The following MGAM2 variants were observed in gnomAD, a reference collection of about 807,000 sequenced individuals.
MGAM2 encodes probable maltase-glucoamylase 2.
A neutral mutation model predicts 96.1 loss-of-function variants in MGAM2; 98 were observed. The ratio of observed to expected loss-of-function variants is 1.02; its 90% CI spans 0.87 to 1.21. The LOEUF is 1.21. MGAM2 is among the 50% of genes most tolerant of loss of function. The probability of loss-of-function intolerance (pLI) is 0.00; values close to 1 mark genes in which losing one functional copy is unlikely to be tolerated. For synonymous variants in MGAM2, 749 were observed against 414.8 expected, an observed-to-expected ratio of 1.81 and a Z score of -9.79; for missense variants, 2,055 against 1,182.4, an observed-to-expected ratio of 1.74 and a Z score of -10.82.
At chr7:142,196,417 C>A in intron 38 of MGAM2, 130 bp downstream of exon 38, 1 of 653,288 alleles carries the variant, frequency 1.5e-6, no homozygotes, top group Non-Finnish European at 2.7e-6. Context: ...TGAGTTCTCT[C>A]TGGGCGTGGA....
At chr7:142,170,251 C>A (rs574118288) in intron 27 of MGAM2, 22 bp downstream of exon 27, 23 of 696,174 alleles carry the variant, frequency 3.3e-5, no homozygotes, top group African/African-American at 3.0e-4. Flanking sequence ...TTATTTGATT[C>A]TAATTAGAGT....
chr7:142,172,698 A>C lies in MGAM2; in HGVS notation c.3495A>C (p.Gly1165=). The C allele has an allele frequency of 1.4e-6, 1 of 705,194 alleles. No individual in the cohort carries two copies. Among genetic ancestry groups the C allele is most frequent in the Non-Finnish European group, 2.6e-6 (1 of 385,922 alleles). The allele number at this position is 705,194 out of a possible 1,614,324, so 43.7% of individuals were successfully genotyped here. A position where few individuals can be genotyped will look rare whatever the true frequency, so the allele number is the denominator to read the frequency against. The part of the protein sequence containing the change: ...PTPALTYRTT[G]GILDFYIVLG... ...CTGCTCTGACATACCGCACCACAGG[A>C]GGGATTTTGGACTTCTACATTGTTT... The change falls in exon 30 of 48, where the codon GGA becomes GGC. Residue 1165 remains glycine (G), a synonymous_variant. Transcript: ENST00000477922.
chr7:142,195,404 G>A (rs1415123227), intron 37 of MGAM2, among the ~76,000 whole-genome samples: 2 of 121,688 alleles, frequency 1.6e-5, no homozygotes, highest in South Asian at 2.9e-4. Flanking sequence ...CACCTAGGCT[G>A]AAGGGCAGTG....
In MGAM2 at chr7:142,144,866, G is replaced by A. The variant is rs1397184918; in HGVS notation, c.1437G>A (p.Met479Ile). 1 of 701,220 alleles carries A rather than the reference G, an allele frequency of 1.4e-6. No homozygotes were observed. The highest frequency in any genetic ancestry group is 2.6e-6 in the Non-Finnish European group (1 of 384,260). The allele number at this position is 701,220 out of a possible 1,614,324, so 43.4% of individuals were successfully genotyped here. A position where few individuals can be genotyped will look rare whatever the true frequency, so the allele number is the denominator to read the frequency against. Residue 479 changes from methionine (M) to isoleucine (I), a missense_variant, in exon 14 of 48, where the codon ATG becomes ATA. Met to Ile is a conservative substitution (Grantham distance 10). Coordinates refer to ENST00000477922, the MANE Select transcript of MGAM2 (RefSeq NM_001293626.2). ...HLEFDGVWIE[M>I]NEVSSLLQAS... ...TGTGTTTTGTGTCTTTGAAGGAAAT[G>A]AATGAAGTATCTAGCTTACTCCAAG...
rs533256015 is a variant in MGAM2, at chr7:142,160,188, A to G, written c.2275A>G (p.Lys759Glu). The G allele has an allele frequency of 3.3e-5, 23 of 702,798 alleles. No homozygotes were observed. The highest frequency in any genetic ancestry group is 2.7e-4 in the South Asian group (18 of 67,556). 43.5% of individuals were successfully genotyped at this position (702,798 alleles called of 1,614,324 possible). A position where few individuals can be genotyped will look rare whatever the true frequency, so the allele number is the denominator to read the frequency against. The change falls in exon 21 of 48, where the codon AAG becomes GAG. Residue 759 changes from lysine (K) to glutamate (E), a missense_variant. By Grantham distance (56) the Lys-to-Glu change is moderately conservative. Coordinates refer to ENST00000477922, the MANE Select transcript of MGAM2 (RefSeq NM_001293626.2). ...GGTGAATATGCTTCTCCCAGGTGAC[A>G]AGATAGGACTTCATCTGCGAGGGGG... Reference protein sequence around the residue: ...QLVNMLLPGDKIGLHLRGGYI... With the variant: ...QLVNMLLPGDEIGLHLRGGYI...
chr7:142,153,234 T>C (rs566491754), intron 15 of MGAM2, among the ~76,000 whole-genome samples: 98 of 152,282 alleles, frequency 6.4e-4, no homozygotes, highest in Non-Finnish European at 1.1e-3. Context: ...TCTCCTGACC[T>C]CGTGATCCAC....
chr7:142,124,443 A>G (rs1193989866), intron 3 of MGAM2, among the ~76,000 whole-genome samples: 3 of 152,138 alleles, frequency 2.0e-5, no homozygotes, highest in Non-Finnish European at 4.4e-5. Context: ...TTTTGCCAAT[A>G]CCATACAGCC....
intron 37 of MGAM2, among the ~76,000 whole-genome samples, chr7:142,195,522 A>T (rs1328566167): frequency 7.2e-6 from 1 of 138,986 alleles, no homozygotes; most frequent in African/African-American, 2.7e-5. Flanking sequence ...CACCCGGCTA[A>T]TTTTTTTTTT....
intron 45 of MGAM2, among the ~76,000 whole-genome samples, chr7:142,202,364 T>G (rs1173851991): frequency 6.6e-6 from 1 of 152,200 alleles, no homozygotes; most frequent in Non-Finnish European, 1.5e-5. Context: ...GCAGGTTTGT[T>G]GCATGGATGT....
intron 46 of MGAM2, among the ~76,000 whole-genome samples, chr7:142,210,113 G>A (rs568063160): frequency 2.2e-4 from 34 of 152,208 alleles, no homozygotes; most frequent in African/African-American, 6.5e-4. Context: ...AGGGGTCAGG[G>A]TACTCCCCCC....
chr7:142,114,080 G>A (rs977222735), intron 1 of MGAM2, among the ~76,000 whole-genome samples: 7 of 150,536 alleles, frequency 4.7e-5, no homozygotes, highest in African/African-American at 1.7e-4. Context: ...GCGGTGAGCC[G>A]AGATCGCGCC....
Position 142,196,584 on chromosome 7 carries a change from CTT to C in MGAM2, c.4502_4503del (p.Phe1501TrpfsTer17), listed in dbSNP as rs1563289033. ...SIIGMMEFSL[F>X]GIPYTGADIC... Reference sequence around the variant, plus strand: ...TTGCAGGCATGATGGAGTTCAGTCTCTTTGGAATACCTTATGTAAGTCACATT... The same window carrying C: ...TTGCAGGCATGATGGAGTTCAGTCTCTGGAATACCTTATGTAAGTCACATT... On this transcript the variant is annotated frameshift_variant, in exon 39 of 48. Transcript: ENST00000477922. LOFTEE classifies it high-confidence loss of function. The C allele has an allele frequency of 2.8e-6, 2 of 722,818 alleles. No homozygotes were observed. Among genetic ancestry groups the C allele is most frequent in the South Asian group, 2.9e-5 (2 of 68,754 alleles). 44.8% of individuals were successfully genotyped at this position (722,818 alleles called of 1,614,324 possible).
rs745346789 is a variant in MGAM2, at chr7:142,196,262, G to C, written c.4455G>C (p.Trp1485Cys). ...GGTTGGGAAACAACACAGCTGCATG[G>C]GACCAGCTGGGGAAATCTATCATTG... ...GHRLGNNTAAWDQLGKSIIGM... is the reference protein window; with the variant it reads ...GHRLGNNTAACDQLGKSIIGM... Residue 1485 changes from tryptophan (W) to cysteine (C), a missense_variant, in exon 38 of 48, where the codon TGG (tryptophan) becomes TGC (cysteine). By Grantham distance (215) the Trp-to-Cys change is radical. Coordinates refer to ENST00000477922, the MANE Select transcript of MGAM2 (RefSeq NM_001293626.2). The C allele has an allele frequency of 3.8e-6, 3 of 785,160 alleles. No homozygotes were observed. Among genetic ancestry groups the C allele is most frequent in the Admixed American group, 2.0e-5 (1 of 50,056 alleles). The allele number at this position is 785,160 out of a possible 1,614,324, so 48.6% of individuals were successfully genotyped here.
intron 23 of MGAM2, among the ~76,000 whole-genome samples, chr7:142,163,012 A>G (rs1241837784): frequency 6.6e-6 from 1 of 152,096 alleles, no homozygotes; most frequent in Non-Finnish European, 1.5e-5. Flanking sequence ...TGTCCTTTCA[A>G]CAGTGTTCTG....
At chr7:142,219,156 T>C (rs1797850042) in intron 47 of MGAM2, among the ~76,000 whole-genome samples, 1 of 151,944 alleles carries the variant, frequency 6.6e-6, no homozygotes, top group Non-Finnish European at 1.5e-5. Context: ...AAGAAAAAAG[T>C]ATCTCACTTT....
At chr7:142,130,503 C>T (rs1313483989) in intron 3 of MGAM2, among the ~76,000 whole-genome samples, 1 of 152,184 alleles carries the variant, frequency 6.6e-6, no homozygotes, top group African/African-American at 2.4e-5. Flanking sequence ...AATACTGTTC[C>T]TCTGTCTAAC....
At chr7:142,158,218 C>T (rs751931812) in intron 18 of MGAM2, 30 bp from the exon 19 acceptor site, 14 of 702,848 alleles carry the variant, frequency 2.0e-5, no homozygotes, top group South Asian at 1.3e-4. Context: ...AGAGACTTCA[C>T]CTGCCTTCAC....
rs1797904713 is a variant in MGAM2 at position 142,220,847 on chromosome 7, C to T, written c.6336C>T (p.Ala2112=). Residue 2112 remains alanine, a synonymous_variant, in exon 48 of 48, where the codon GCC becomes GCT. Transcript: ENST00000477922. The part of the protein sequence containing the change: ...VTPSLTSTAD[A]TISTTVLIAT... ...CTTCTCTGACAAGTACTGCTGATGC[C>T]ACCATTAGTACTACTGTACTTATTG... 5 of 702,022 alleles carry T rather than the reference C, an allele frequency of 7.1e-6. No homozygotes were observed. The South Asian group carries it at 7.4e-5, about 10-fold the overall frequency. 43.5% of individuals were successfully genotyped at this position (702,022 alleles called of 1,614,324 possible). A position where few individuals can be genotyped will look rare whatever the true frequency, so the allele number is the denominator to read the frequency against.
In MGAM2 at chr7:142,160,084, G is replaced by A. The variant is rs1209796434; in HGVS notation, c.2221-50G>A. 4 of 669,412 alleles carry A rather than the reference G, an allele frequency of 6.0e-6. No individual in the cohort carries two copies. The East Asian group carries it at 1.1e-4, about 18-fold the overall frequency. 41.5% of individuals were successfully genotyped at this position (669,412 alleles called of 1,614,324 possible). A position where few individuals can be genotyped will look rare whatever the true frequency, so the allele number is the denominator to read the frequency against. The stretch of plus-strand genomic sequence containing the variant: ...GAGATGATACCTAAGGCCCCTCCTA[G>A]CTGAAACAGCTTATTACCTGATCTA... On this transcript the variant is annotated intron_variant, in intron 20 of 47. Coordinates refer to ENST00000477922, the MANE Select transcript of MGAM2 (RefSeq NM_001293626.2).
Sources: gnomAD v4.1 joint callset for allele counts (sites outside exome capture counted in the v4.1 genomes callset) on GRCh38, gnomAD v4.1.1 for gene constraint, MANE v1.5 for transcripts, NCBI Gene and HGNC (gene_info 2026-07-23, HGNC 2026-07-21) for gene names.